NFIB: variants seen among roughly 807,000 people sequenced by gnomAD.
NFIB encodes the protein nuclear factor 1 B-type.
NFIB carries 11 observed loss-of-function variants against 61.5 expected under a neutral mutation model. The observed-to-expected ratio is 0.18, with a 90% confidence interval of 0.11 to 0.30. NFIB has a LOEUF of 0.30. NFIB is among the 10% of genes least tolerant of loss of function. NFIB has a pLI of 1.00. For missense variants in NFIB, 471 were observed against 608.9 expected, an observed-to-expected ratio of 0.77 and a Z score of 2.38; for synonymous variants, 260 against 216.5, an observed-to-expected ratio of 1.20 and a Z score of -1.76.
intron 1 of NFIB, among the ~76,000 whole-genome samples, chr9:14,326,225 TG>T (rs1208668433): frequency 1.3e-5 from 2 of 152,226 alleles, no homozygotes; most frequent in African/African-American, 4.8e-5. Context: ...ACTCTTCAGC[TG>T]TAATTCATTA....
At chr9:14,107,769 GA>G (rs2036786945) in intron 10 of NFIB, among the ~76,000 whole-genome samples, 1 of 152,024 alleles carries the variant, frequency 6.6e-6, no homozygotes, top group African/African-American at 2.4e-5. Context: ...TGCAGTTCAA[GA>G]ATATTTAATG....
intron 10 of NFIB, among the ~76,000 whole-genome samples, chr9:14,089,693 G>C (rs1024322394): frequency 2.0e-5 from 3 of 149,298 alleles, no homozygotes; most frequent in African/African-American, 7.8e-5. Context: ...CTTTACTTTT[G>C]AAACCATGAA....
chr9:14,449,277 C>T, the NFIB span, among the ~76,000 whole-genome samples: 2 of 152,156 alleles, frequency 1.3e-5, no homozygotes, highest in East Asian at 1.9e-4. Context: ...ATGCTTCAAG[C>T]GGTGATTCTC....
chr9:14,363,850 T>G (rs578064305), intron 1 of NFIB, among the ~76,000 whole-genome samples: 123 of 152,144 alleles, frequency 8.1e-4, no homozygotes, highest in Non-Finnish European at 1.5e-3. Context: ...CTTAGACATC[T>G]TTCCATGTCA....
intron 2 of NFIB, 42 bp from the exon 3 acceptor site, chr9:14,179,822 T>C: frequency 1.2e-6 from 2 of 1,601,800 alleles, no homozygotes; most frequent in East Asian, 2.2e-5. Flanking sequence ...TTAATTTGTT[T>C]TGAAAGAATT....
rs543176679 is a variant in NFIB at position 14,084,664 on chromosome 9, T to C, written c.*3645A>G. On this transcript the variant is annotated 3_prime_UTR_variant, in exon 11 of 11. Transcript: ENST00000380953. ...GGTTGGAGACACCACTCCCTACTCA[T>C]GCCCTTGGGTGACCTTCGCCATCCT... 1 of 230,190 alleles carries C rather than the reference T, an allele frequency of 4.3e-6. No individual in the cohort carries two copies. The highest frequency in any genetic ancestry group is 1.8e-4 in the South Asian group (1 of 5,488). 14.3% of individuals were successfully genotyped at this position (230,190 alleles called of 1,614,324 possible). A position where few individuals can be genotyped will look rare whatever the true frequency, so the allele number is the denominator to read the frequency against.
intron 2 of NFIB, among the ~76,000 whole-genome samples, chr9:14,192,536 T>C (rs2048059543): frequency 6.6e-6 from 1 of 152,180 alleles, no homozygotes; most frequent in Non-Finnish European, 1.5e-5. Flanking sequence ...GACTTCAGGC[T>C]AGGTCCAACC....
intron 1 of NFIB, among the ~76,000 whole-genome samples, chr9:14,354,946 T>A (rs952172984): frequency 1.3e-5 from 2 of 151,960 alleles, no homozygotes; most frequent in Non-Finnish European, 2.9e-5. Context: ...GAGGAGCAGG[T>A]CTCTCTAAAT....
intron 2 of NFIB, among the ~76,000 whole-genome samples, chr9:14,215,130 A>AATAAAAGCT (rs1563909548): frequency 2.0e-4 from 29 of 147,784 alleles, no homozygotes; most frequent in African/African-American, 6.9e-4. Context: ...GTCAAGCTCA[A>AATAAAAGCT]CAATTGGGTG....
At chr9:14,166,822 A>C (rs893064139) in intron 3 of NFIB, among the ~76,000 whole-genome samples, 1 of 151,774 alleles carries the variant, frequency 6.6e-6, no homozygotes, top group Non-Finnish European at 1.5e-5. Context: ...GCTGTTTCTT[A>C]CTCCTCCGAT....
chr9:14,179,402 T>C (rs1046310462), intron 3 of NFIB, among the ~76,000 whole-genome samples: 3 of 152,200 alleles, frequency 2.0e-5, no homozygotes, highest in Admixed American at 1.3e-4. Flanking sequence ...TTATGAGTTT[T>C]AAAAGAAAGA....
At chr9:14,442,031 C>T in the NFIB span, among the ~76,000 whole-genome samples, 1 of 152,170 alleles carries the variant, frequency 6.6e-6, no homozygotes, top group Non-Finnish European at 1.5e-5. Flanking sequence ...TCATTTCATC[C>T]TCAGGAGAAC....
At chr9:14,132,225 AT>A (rs986085383) in intron 6 of NFIB, among the ~76,000 whole-genome samples, 23 of 152,148 alleles carry the variant, frequency 1.5e-4, no homozygotes, top group African/African-American at 5.5e-4. Context: ...GAATAGTCCT[AT>A]TTCTATCTGG....
intron 6 of NFIB, among the ~76,000 whole-genome samples, chr9:14,133,432 T>C (rs1006484334): frequency 3.9e-5 from 6 of 152,332 alleles, no homozygotes; most frequent in Admixed American, 1.3e-4. Context: ...CTGTATAAGA[T>C]AATAATGTTA....
intron 6 of NFIB, 47 bp downstream of exon 6, chr9:14,146,642 G>A (rs779013109): frequency 4.3e-6 from 7 of 1,611,806 alleles, no homozygotes; most frequent in South Asian, 1.1e-5. Flanking sequence ...TAAGAAACGA[G>A]CCAACATTTT....
chr9:14,482,364 C>T, the NFIB span, among the ~76,000 whole-genome samples: 1 of 152,090 alleles, frequency 6.6e-6, no homozygotes, highest in East Asian at 1.9e-4. Context: ...GAGGGGATAT[C>T]GTGTTATGTC....
intron 2 of NFIB, among the ~76,000 whole-genome samples, chr9:14,256,059 G>T (rs1011456578): frequency 3.9e-5 from 6 of 152,214 alleles, no homozygotes; most frequent in Admixed American, 2.6e-4. Flanking sequence ...AATGGTGCCT[G>T]CCCCACAGGG....
At chr9:14,418,480 A>C in the NFIB span, among the ~76,000 whole-genome samples, 1 of 152,168 alleles carries the variant, frequency 6.6e-6, no homozygotes, top group Non-Finnish European at 1.5e-5. Flanking sequence ...CCACAACAAT[A>C]TATCTGCTGC....
upstream of NFIB, among the ~76,000 whole-genome samples, chr9:14,400,156 T>A (rs1048027872): frequency 6.6e-6 from 1 of 152,172 alleles, no homozygotes; most frequent in Non-Finnish European, 1.5e-5. Flanking sequence ...TAGCTTTATG[T>A]TCTGTTTACT....
Sources: gnomAD v4.1 joint callset for allele counts (sites outside exome capture counted in the v4.1 genomes callset) on GRCh38, gnomAD v4.1.1 for gene constraint, MANE v1.5 for transcripts, NCBI Gene and HGNC (gene_info 2026-07-23, HGNC 2026-07-21) for gene names.